Variants in GPHN observed in about 807,000 individuals in gnomAD.
The protein encoded by GPHN is gephyrin.
GPHN carries 17 observed loss-of-function variants against 95.5 expected under a neutral mutation model. That is an observed-to-expected ratio of 0.18 (90% CI 0.12 to 0.27). The LOEUF (loss-of-function observed/expected upper bound fraction) is 0.27. GPHN is among the 10% of genes least tolerant of loss of function. The probability of loss-of-function intolerance (pLI) is 1.00; values close to 1 mark genes in which losing one functional copy is unlikely to be tolerated. For synonymous variants in GPHN, 320 were observed against 322.5 expected (o/e 0.99, Z 0.08); for missense variants, 660 against 978.1 (o/e 0.67, Z 4.34).
intron 4 of GPHN, among the ~76,000 whole-genome samples, chr14:66,869,621 T>C (rs1436214806): frequency 6.6e-6 from 1 of 152,232 alleles, no homozygotes. Flanking sequence ...TTTGGTTCTC[T>C]ACTACTCTTT....
intron 2 of GPHN, among the ~76,000 whole-genome samples, chr14:66,743,553 G>A (rs922290758): frequency 6.6e-5 from 10 of 151,960 alleles, no homozygotes; most frequent in African/African-American, 2.4e-4. Context: ...TGGCTAACAC[G>A]GTGAAGCCCC....
the GPHN span, among the ~76,000 whole-genome samples, chr14:67,575,047 GCCTGCTGTTTT>G: frequency 2.6e-5 from 4 of 152,314 alleles, no homozygotes; most frequent in East Asian, 7.7e-4. Flanking sequence ...AAGGGCTTCA[GCCTGCTGTTTT>G]CCCTCCCTCC....
At chr14:67,631,016 C>A in the GPHN span, among the ~76,000 whole-genome samples, 1 of 152,032 alleles carries the variant, frequency 6.6e-6, no homozygotes, top group South Asian at 2.1e-4. Flanking sequence ...TGCTCTAGAC[C>A]CCCTCCCCTC....
chr14:67,654,371 A>G, the GPHN span, among the ~76,000 whole-genome samples: 4 of 152,098 alleles, frequency 2.6e-5, no homozygotes, highest in African/African-American at 7.2e-5. Context: ...TCAAACTCCT[A>G]GGCTCAAGCC....
intron 1 of GPHN, among the ~76,000 whole-genome samples, chr14:66,548,159 T>A (rs2059671736): frequency 2.0e-5 from 3 of 151,736 alleles, no homozygotes; most frequent in Admixed American, 6.6e-5. Context: ...GATCAGTGAT[T>A]TTTGATGTTA....
At chr14:67,679,188 G>C in the GPHN span, among the ~76,000 whole-genome samples, 9 of 152,224 alleles carry the variant, frequency 5.9e-5, no homozygotes, top group Middle Eastern at 3.4e-3. Context: ...CCTTTAATAA[G>C]GAACCACTCC....
At chr14:67,403,652 A>C in the GPHN span, among the ~76,000 whole-genome samples, 2 of 152,246 alleles carry the variant, frequency 1.3e-5, no homozygotes, top group Non-Finnish European at 2.9e-5. Context: ...ATGACAAAAG[A>C]TGTACTACGT....
At chr14:67,462,698 G>C in the GPHN span, among the ~76,000 whole-genome samples, 1 of 152,208 alleles carries the variant, frequency 6.6e-6, no homozygotes. Context: ...TCAAAGGAAA[G>C]GCTGAAGAGC....
At chr14:67,691,175 T>C in the GPHN span, 25 of 1,613,912 alleles carry the variant, frequency 1.5e-5, no homozygotes, top group Non-Finnish European at 1.9e-5. Flanking sequence ...CTCAAAGCCA[T>C]CTGCTGTCTT....
chr14:66,886,952 A>T lies in GPHN; in HGVS notation c.389+6919A>T, dbSNP rs1223305929. Among the ~76,000 whole-genome samples the T allele has an allele frequency of 3.9e-5, 6 of 152,190 alleles. No individual in the cohort carries two copies. The South Asian group carries it at 8.3e-4, about 21-fold the overall frequency. On this transcript the variant is annotated intron_variant, in intron 5 of 22. Coordinates refer to ENST00000478722, the MANE Select transcript of GPHN (RefSeq NM_020806.5). ...AACTTCAGGGAAACTCAGTCGCTAC[A>T]ATTTTGTGAAAACTGAATGGAACCT...
At chr14:67,226,990 C>A in the GPHN span, among the ~76,000 whole-genome samples, 8 of 152,142 alleles carry the variant, frequency 5.3e-5, no homozygotes, top group Non-Finnish European at 1.0e-4. Context: ...AGAGAAATTT[C>A]TTTCAAGATA....
intron 4 of GPHN, among the ~76,000 whole-genome samples, chr14:66,853,355 G>T (rs529287737): frequency 2.0e-5 from 3 of 152,126 alleles, no homozygotes; most frequent in Non-Finnish European, 2.9e-5. Flanking sequence ...AAGTATGCCT[G>T]TTAATCTTCA....
intron 10 of GPHN, among the ~76,000 whole-genome samples, chr14:67,052,352 A>AAAAG (rs531828598): frequency 0.044 from 6,730 of 151,424 alleles, 167 homozygotes; most frequent in Middle Eastern, 0.062. Context: ...AAAAAAAAAA[A>AAAAG]GATCAAAAAA....
intron 6 of GPHN, among the ~76,000 whole-genome samples, chr14:66,921,921 A>G (rs1344244468): frequency 6.6e-6 from 1 of 152,172 alleles, no homozygotes; most frequent in Non-Finnish European, 1.5e-5. Context: ...CTTAGAGCCA[A>G]CTGATCTTCG....
chr14:66,917,739 A>C (rs1045413297), intron 6 of GPHN, among the ~76,000 whole-genome samples: 1 of 152,178 alleles, frequency 6.6e-6, no homozygotes, highest in Non-Finnish European at 1.5e-5. Context: ...TATATTTTGC[A>C]TCTCCTTATG....
chr14:67,675,952 C>T, the GPHN span, among the ~76,000 whole-genome samples: 20 of 151,986 alleles, frequency 1.3e-4, no homozygotes, highest in Non-Finnish European at 2.2e-4. Context: ...CAAAAATTAG[C>T]CAAGCGTGGT....
chr14:67,108,922 C>T (rs1361391481), intron 13 of GPHN, among the ~76,000 whole-genome samples: 1 of 152,050 alleles, frequency 6.6e-6, no homozygotes, highest in Non-Finnish European at 1.5e-5. Flanking sequence ...TCATGAGTTA[C>T]TTAATGAAGA....
chr14:66,703,732 G>T lies in GPHN; in HGVS notation c.143+22547G>T, dbSNP rs2068784014. On this transcript the variant is annotated intron_variant, in intron 2 of 22. Transcript: ENST00000478722. The stretch of plus-strand genomic sequence containing the variant: ...CACTATCAAGAAACTGCATCAACTA[G>T]TGTGCAAAATAACCAGGTAGCATCA... 3.3e-5 allele frequency among the ~76,000 whole-genome samples: 5 copies of T among 152,212 alleles called. No homozygotes were observed. The South Asian group carries it at 1.0e-3, about 32-fold the overall frequency.
chr14:67,069,505 A>G (rs764791042), intron 11 of GPHN, among the ~76,000 whole-genome samples: 3 of 152,230 alleles, frequency 2.0e-5, no homozygotes, highest in Non-Finnish European at 4.4e-5. Flanking sequence ...CGTGGTCAGT[A>G]TTCTAAAAGA....
Sources: allele counts gnomAD v4.1 joint callset (sites outside exome capture counted in the v4.1 genomes callset), GRCh38; gene constraint gnomAD v4.1.1; transcripts MANE v1.5; gene names NCBI Gene and HGNC (gene_info 2026-07-23, HGNC 2026-07-21).